The following CTNNA2 variants were observed in gnomAD, a reference collection of about 807,000 sequenced individuals.
The protein encoded by CTNNA2 is catenin alpha-2.
A neutral mutation model predicts 101.0 loss-of-function variants in CTNNA2; 42 were observed. The observed-to-expected ratio is 0.42, with a 90% CI of 0.32 to 0.54. CTNNA2 has a LOEUF of 0.54. Among genes scored for constraint, CTNNA2 ranks in the 20% least tolerant of loss-of-function variants. CTNNA2 has a pLI of 0.14. For synonymous variants in CTNNA2, 450 were observed against 456.4 expected (o/e 0.99, Z 0.18); for missense variants, 871 against 1,223.1 (o/e 0.71, Z 4.29).
chr2:80,239,876 C>A (rs1032345542), intron 7 of CTNNA2, among the ~76,000 whole-genome samples: 7 of 151,544 alleles, frequency 4.6e-5, no homozygotes, highest in Admixed American at 2.0e-4. Flanking sequence ...CGCTCCATTG[C>A]ACTCCAGCCT....
intron 12 of CTNNA2, among the ~76,000 whole-genome samples, chr2:80,559,878 T>TATCTATCTATCTATCTATATATATA (rs1693393440): frequency 7.0e-5 from 8 of 114,024 alleles, no homozygotes; most frequent in African/African-American, 2.4e-4. Flanking sequence ...GATATCATAT[T>TATCTATCTATCTATCTATATATATA]TATATATATA....
chr2:79,511,124 G>C (rs778870083), upstream of CTNNA2, among the ~76,000 whole-genome samples: 1 of 152,084 alleles, frequency 6.6e-6, no homozygotes, highest in Non-Finnish European at 1.5e-5. Context: ...CAATTCTTAC[G>C]TGCATGCTCT....
At chr2:79,964,946 C>T (rs1689929394) in intron 7 of CTNNA2, among the ~76,000 whole-genome samples, 2 of 152,178 alleles carry the variant, frequency 1.3e-5, no homozygotes, top group South Asian at 2.1e-4. Context: ...CAATATTTCA[C>T]CTCTACAAAC....
At chr2:79,553,226 A>T (rs1334298716) in intron 1 of CTNNA2, among the ~76,000 whole-genome samples, 1 of 152,112 alleles carries the variant, frequency 6.6e-6, no homozygotes, top group Admixed American at 6.5e-5. Context: ...CCTTCTCTCC[A>T]TTGAGACCTC....
At chr2:79,690,821 G>GT (rs1306783211) in intron 2 of CTNNA2, among the ~76,000 whole-genome samples, 1 of 151,940 alleles carries the variant, frequency 6.6e-6, no homozygotes, top group African/African-American at 2.4e-5. Context: ...AATTTATACA[G>GT]TAGGTTGTGT....
intron 7 of CTNNA2, among the ~76,000 whole-genome samples, chr2:80,371,692 C>T (rs1463559171): frequency 6.6e-6 from 1 of 151,898 alleles, no homozygotes; most frequent in African/African-American, 2.4e-5. Flanking sequence ...GGAATGTCAG[C>T]AGTGAGAATG....
intron 3 of CTNNA2, among the ~76,000 whole-genome samples, chr2:79,816,385 G>C (rs1677498948): frequency 6.6e-6 from 1 of 152,112 alleles, no homozygotes; most frequent in Admixed American, 6.5e-5. Flanking sequence ...TATGTTGGCT[G>C]TGGGTTTGTC....
In CTNNA2 at chr2:79,491,870, T is replaced by A. The variant is rs78913474; in HGVS notation, c.-134-13184T>A. Among the ~76,000 whole-genome samples the A allele has an allele frequency of 9.9e-3, 1,506 of 152,254 alleles. 25 individuals carry two copies. The highest frequency in any genetic ancestry group is 0.034 in the African/African-American group (1,430 of 41,542). On this transcript the variant is annotated intron_variant, in intron 4 of 21. Coordinates refer to the CTNNA2 transcript ENST00000466387. ...GTTTTAAAAATCTGATTCAAGTACC[T>A]CTATATGATGAAATAATTTTGCACT...
upstream of CTNNA2, among the ~76,000 whole-genome samples, chr2:79,512,621 G>C (rs1018538555): frequency 7.0e-6 from 1 of 143,866 alleles, no homozygotes; most frequent in Non-Finnish European, 1.5e-5. Flanking sequence ...CGGGCCTCGC[G>C]ACTCCGGCGA....
chr2:79,327,105 T>C (rs1676764970), intron 3 of CTNNA2, among the ~76,000 whole-genome samples: 3 of 152,210 alleles, frequency 2.0e-5, no homozygotes, highest in South Asian at 4.1e-4. Flanking sequence ...ATTCTTATAC[T>C]TGGGTCAGGA....
chr2:80,232,587 G>T (rs1410129304), intron 7 of CTNNA2, among the ~76,000 whole-genome samples: 1 of 151,864 alleles, frequency 6.6e-6, no homozygotes, highest in Non-Finnish European at 1.5e-5. Flanking sequence ...CTGGAATGTT[G>T]GATGGATTGC....
chr2:79,420,289 A>G (rs1221149751), intron 4 of CTNNA2, among the ~76,000 whole-genome samples: 1 of 152,230 alleles, frequency 6.6e-6, no homozygotes, highest in Non-Finnish European at 1.5e-5. Context: ...ATCATGAAGC[A>G]GGGGCTCAAT....
chr2:80,093,841 T>G (rs911664554), intron 7 of CTNNA2, among the ~76,000 whole-genome samples: 3 of 152,048 alleles, frequency 2.0e-5, no homozygotes, highest in Non-Finnish European at 4.4e-5. Flanking sequence ...CACCCACTTT[T>G]TGATGGGGTT....
intron 9 of CTNNA2, among the ~76,000 whole-genome samples, chr2:80,421,350 TTG>T (rs1352459822): frequency 6.6e-6 from 1 of 152,204 alleles, no homozygotes; most frequent in Non-Finnish European, 1.5e-5. Context: ...GGATTTCAAG[TTG>T]TGTGATAAAC....
At chr2:80,485,318 A>T (rs1686484581) in intron 9 of CTNNA2, among the ~76,000 whole-genome samples, 1 of 152,190 alleles carries the variant, frequency 6.6e-6, no homozygotes, top group Non-Finnish European at 1.5e-5. Context: ...GAAAAAAAAT[A>T]CCTTTACTCT....
intron 2 of CTNNA2, among the ~76,000 whole-genome samples, chr2:79,722,885 G>A (rs1686579436): frequency 6.6e-6 from 1 of 152,058 alleles, no homozygotes. Flanking sequence ...TGAGAGTTGT[G>A]TTATTTTGGA....
intron 15 of CTNNA2, among the ~76,000 whole-genome samples, chr2:80,600,614 A>G (rs1045398361): frequency 6.6e-6 from 1 of 152,208 alleles, no homozygotes; most frequent in Non-Finnish European, 1.5e-5. Context: ...CCTCTGTCAT[A>G]ACAGAAATGA....
intron 8 of CTNNA2, among the ~76,000 whole-genome samples, chr2:80,402,023 T>C (rs1678595159): frequency 2.0e-5 from 3 of 152,220 alleles, no homozygotes; most frequent in African/African-American, 7.2e-5. Flanking sequence ...TTGAAAGTAG[T>C]AGGTTGTCAC....
intron 4 of CTNNA2, among the ~76,000 whole-genome samples, chr2:79,468,205 T>C (rs548728665): frequency 2.0e-5 from 3 of 151,034 alleles, no homozygotes; most frequent in African/African-American, 7.3e-5. Flanking sequence ...AAATGGAGAA[T>C]AAAAAAAGGC....
Sources: gnomAD v4.1 joint callset for allele counts (sites outside exome capture counted in the v4.1 genomes callset) on GRCh38, gnomAD v4.1.1 for gene constraint, MANE v1.5 for transcripts, NCBI Gene and HGNC (gene_info 2026-07-23, HGNC 2026-07-21) for gene names.